The following KCNMA1 variants were observed in gnomAD, a reference collection of about 807,000 sequenced individuals.
The protein encoded by KCNMA1 is potassium calcium-activated channel subfamily M alpha 1, also known as Calcium-activated potassium channel subunit alpha-1.
In KCNMA1, 29 loss-of-function variants were observed where a neutral mutation model predicts 140.0. The ratio of observed to expected loss-of-function variants is 0.21; its 90% CI spans 0.15 to 0.28. The LOEUF (loss-of-function observed/expected upper bound fraction) is 0.28, where lower values mean the gene tolerates loss of function less well. KCNMA1 is among the 10% of genes least tolerant of loss of function. The pLI, the probability that KCNMA1 is intolerant of heterozygous loss-of-function variation, is 1.00. For synonymous variants in KCNMA1, 612 were observed against 611.9 expected (o/e 1.00, Z 0.00); for missense variants, 880 against 1,602.2 (o/e 0.55, Z 7.70).
chr10:77,571,634 T>C (rs1320749242), intron 1 of KCNMA1, among the ~76,000 whole-genome samples: 4 of 152,146 alleles, frequency 2.6e-5, no homozygotes, highest in Admixed American at 6.5e-5. Context: ...ATTTCTCCTG[T>C]AGGGGAAAGC....
At chr10:77,015,268 C>T (rs2091787297) in intron 17 of KCNMA1, among the ~76,000 whole-genome samples, 1 of 152,074 alleles carries the variant, frequency 6.6e-6, no homozygotes, top group Non-Finnish European at 1.5e-5. Context: ...CACCTTGACC[C>T]CCCGGGTGCC....
intron 1 of KCNMA1, among the ~76,000 whole-genome samples, chr10:77,418,933 T>C (rs540648095): frequency 6.6e-6 from 1 of 152,358 alleles, no homozygotes; most frequent in East Asian, 1.9e-4. Context: ...ACTGGCCTCC[T>C]TCTACAAATA....
At chr10:77,453,579 G>A (rs1450212543) in intron 1 of KCNMA1, among the ~76,000 whole-genome samples, 2 of 152,086 alleles carry the variant, frequency 1.3e-5, no homozygotes, top group East Asian at 1.9e-4. Context: ...CTTCCTGTCT[G>A]GAGAGAGCGT....
intron 23 of KCNMA1, among the ~76,000 whole-genome samples, chr10:76,922,755 C>G (rs1248011775): frequency 6.6e-6 from 1 of 152,172 alleles, no homozygotes; most frequent in Non-Finnish European, 1.5e-5. Context: ...AAACCAGAGA[C>G]ATTCCAGTTA....
intron 2 of KCNMA1, chr10:77,315,403 G>A (rs564659552): frequency 2.0e-5 from 3 of 152,240 alleles, no homozygotes; most frequent in Non-Finnish European, 4.4e-5. Flanking sequence ...GATTATTCTC[G>A]GTTCTGTTGA....
At chr10:77,249,248 C>T (rs1479133083) in intron 3 of KCNMA1, among the ~76,000 whole-genome samples, 2 of 152,158 alleles carry the variant, frequency 1.3e-5, no homozygotes, top group East Asian at 3.9e-4. Flanking sequence ...CCATCTTCGC[C>T]AAGGCCTAGA....
At chr10:77,481,226 A>C (rs2098390752) in intron 1 of KCNMA1, among the ~76,000 whole-genome samples, 1 of 152,172 alleles carries the variant, frequency 6.6e-6, no homozygotes, top group African/African-American at 2.4e-5. Context: ...ATTTCCCTTA[A>C]GGGATAGGAC....
rs963503413 is a variant in KCNMA1, at chr10:77,574,255, C to A, written c.378+63010G>T. Reference sequence around the variant, plus strand: ...TAAGATATATATATTAATATCTATGCGTGTGTATATATATATATATATAAA... The same window carrying A: ...TAAGATATATATATTAATATCTATGAGTGTGTATATATATATATATATAAA... On this transcript the variant is annotated intron_variant, in intron 1 of 27. Coordinates refer to ENST00000286628, the MANE Select transcript of KCNMA1 (RefSeq NM_001161352.2). 2.0e-5 allele frequency among the ~76,000 whole-genome samples: 3 copies of A among 147,462 alleles called. No homozygotes were observed. The South Asian group carries it at 7.2e-4, about 35-fold the overall frequency.
chr10:77,464,165 T>G (rs1352836263), intron 1 of KCNMA1, among the ~76,000 whole-genome samples: 1 of 152,176 alleles, frequency 6.6e-6, no homozygotes, highest in Non-Finnish European at 1.5e-5. Context: ...TTGCAGGACT[T>G]GCTTGACCTC....
intron 2 of KCNMA1, among the ~76,000 whole-genome samples, chr10:77,347,578 T>G (rs1022179340): frequency 1.3e-5 from 2 of 152,188 alleles, no homozygotes; most frequent in African/African-American, 2.4e-5. Flanking sequence ...ATGGGCTGTG[T>G]GACCAGGGGC....
intron 5 of KCNMA1, among the ~76,000 whole-genome samples, chr10:77,146,881 CCT>C (rs879435643): frequency 6.6e-6 from 1 of 151,912 alleles, no homozygotes; most frequent in Admixed American, 6.6e-5. Context: ...CTGCACTTGG[CCT>C]CTCTCTCTCG....
intron 9 of KCNMA1, among the ~76,000 whole-genome samples, chr10:77,099,129 C>T (rs1432703398): frequency 2.0e-5 from 3 of 152,078 alleles, no homozygotes; most frequent in South Asian, 4.1e-4. Flanking sequence ...GTCAGCCTCA[C>T]TCTTCAGGGA....
chr10:77,609,318 A>C (rs2085845059), intron 1 of KCNMA1, among the ~76,000 whole-genome samples: 1 of 152,248 alleles, frequency 6.6e-6, no homozygotes, highest in South Asian at 2.1e-4. Context: ...CCTAGAGGAC[A>C]GTATGTTAAG....
chr10:77,574,042 G>T (rs1359249936), intron 1 of KCNMA1, among the ~76,000 whole-genome samples: 1 of 151,820 alleles, frequency 6.6e-6, no homozygotes, highest in African/African-American at 2.4e-5. Context: ...CACCATGTTG[G>T]CCAGGCTGGT....
intron 3 of KCNMA1, among the ~76,000 whole-genome samples, chr10:77,212,632 A>G (rs1393985491): frequency 6.6e-6 from 1 of 152,070 alleles, no homozygotes; most frequent in Non-Finnish European, 1.5e-5. Context: ...ATGAAATGCC[A>G]ATTTGTTATA....
intron 5 of KCNMA1, among the ~76,000 whole-genome samples, chr10:77,163,549 G>T (rs528233031): frequency 2.7e-4 from 41 of 152,330 alleles, no homozygotes; most frequent in Admixed American, 2.0e-3. Context: ...CCATTCTGGG[G>T]ATAAAACAGA....
At position 77,104,317 on chromosome 10, in the gene KCNMA1, A is replaced by C. The variant is rs2097158521; in HGVS notation, c.1223+4164T>G. 2.0e-5 allele frequency among the ~76,000 whole-genome samples: 3 copies of C among 152,220 alleles called. No individual in the cohort carries two copies. The South Asian group carries it at 6.2e-4, about 32-fold the overall frequency. ...GTTCCAAGAGAAGCCACAGCATTTA[A>C]GTTTCACAGGCAGCTTTCTTGAATT... On this transcript the variant is annotated intron_variant, in intron 9 of 27. Coordinates refer to ENST00000286628, the MANE Select transcript of KCNMA1 (RefSeq NM_001161352.2).
intron 1 of KCNMA1, among the ~76,000 whole-genome samples, chr10:77,519,068 C>A (rs1164855080): frequency 6.6e-6 from 1 of 152,250 alleles, no homozygotes; most frequent in Non-Finnish European, 1.5e-5. Flanking sequence ...TTGGCTCCGT[C>A]CACTCACTTG....
chr10:77,121,668 G>T (rs1317713363), intron 5 of KCNMA1, among the ~76,000 whole-genome samples: 1 of 151,944 alleles, frequency 6.6e-6, no homozygotes, highest in African/African-American at 2.4e-5. Flanking sequence ...TAAGATAAAT[G>T]GTTTGTCCTT....
Sources: gnomAD v4.1 joint callset for allele counts (sites outside exome capture counted in the v4.1 genomes callset) on GRCh38, gnomAD v4.1.1 for gene constraint, MANE v1.5 for transcripts, NCBI Gene and HGNC (gene_info 2026-07-23, HGNC 2026-07-21) for gene names.